WDR72: variants seen among roughly 807,000 people sequenced by gnomAD.
The protein encoded by WDR72 is WD repeat-containing protein 72.
Under a neutral mutation model 124.2 loss-of-function variants are expected in WDR72, and 120 were observed. The ratio of observed to expected loss-of-function variants is 0.97; its 90% confidence interval spans 0.83 to 1.12. The LOEUF (loss-of-function observed/expected upper bound fraction) is 1.12. Ranked by LOEUF, WDR72 falls within the 50% of genes most tolerant of loss-of-function variation. The pLI, the probability that WDR72 is intolerant of heterozygous loss-of-function variation, is 0.00. For missense variants in WDR72, 1,387 were observed against 1,278.8 expected, an observed-to-expected ratio of 1.08 and a Z score of -1.29; for synonymous variants, 452 against 441.7, an observed-to-expected ratio of 1.02 and a Z score of -0.29.
intron 14 of WDR72, among the ~76,000 whole-genome samples, chr15:53,642,010 G>C (rs1166062262): frequency 6.6e-6 from 1 of 151,684 alleles, no homozygotes; most frequent in Non-Finnish European, 1.5e-5. Flanking sequence ...AGAAATTGTA[G>C]ATTACTGTAA....
chr15:53,549,181 T>A (rs545296005), intron 18 of WDR72, among the ~76,000 whole-genome samples: 9 of 152,318 alleles, frequency 5.9e-5, no homozygotes, highest in Non-Finnish European at 1.5e-5. Context: ...GAAACAACAA[T>A]AAAAGATAGG....
At chr15:53,610,701 TTAC>T (rs750141079) in intron 16 of WDR72, among the ~76,000 whole-genome samples, 5 of 152,202 alleles carry the variant, frequency 3.3e-5, no homozygotes, top group South Asian at 4.1e-4. Flanking sequence ...ATTATTGATA[TTAC>T]TTTTTCCTGA....
intron 1 of WDR72, among the ~76,000 whole-genome samples, chr15:53,753,889 T>G (rs1420016699): frequency 3.9e-5 from 6 of 152,128 alleles, no homozygotes; most frequent in Non-Finnish European, 7.4e-5. Context: ...GCTAGGTAAA[T>G]CTAAATCCCC....
intron 13 of WDR72, among the ~76,000 whole-genome samples, chr15:53,667,934 T>C (rs1463421526): frequency 6.6e-6 from 1 of 152,214 alleles, no homozygotes; most frequent in Non-Finnish European, 1.5e-5. Flanking sequence ...TGTAATCCAT[T>C]TTCATTCATA....
At chr15:53,535,605 C>T (rs1351047223) in intron 18 of WDR72, among the ~76,000 whole-genome samples, 1 of 152,132 alleles carries the variant, frequency 6.6e-6, no homozygotes. Context: ...CAGTTATTTC[C>T]AGGGCATTTC....
At chr15:53,648,502 T>A (rs2015120062) in intron 14 of WDR72, among the ~76,000 whole-genome samples, 1 of 151,996 alleles carries the variant, frequency 6.6e-6, no homozygotes, top group Non-Finnish European at 1.5e-5. Context: ...GGCCAAGAGG[T>A]CAGGAAAGGT....
intron 18 of WDR72, among the ~76,000 whole-genome samples, chr15:53,528,332 G>A (rs1409491092): frequency 6.6e-6 from 1 of 151,986 alleles, no homozygotes; most frequent in African/African-American, 2.4e-5. Flanking sequence ...TAGACTTTAG[G>A]CTTACTTTGT....
chr15:53,704,827 A>C (rs546060837), intron 11 of WDR72, among the ~76,000 whole-genome samples, 161 bp downstream of exon 11: 1 of 151,236 alleles, frequency 6.6e-6, no homozygotes, highest in Admixed American at 6.6e-5. Flanking sequence ...AAAAAAAAAA[A>C]AAAAACCTAT....
intron 18 of WDR72, among the ~76,000 whole-genome samples, chr15:53,596,199 A>C (rs1315354927): frequency 6.6e-6 from 1 of 152,196 alleles, no homozygotes; most frequent in African/African-American, 2.4e-5. Flanking sequence ...GTAATATGTA[A>C]ATTTATAACA....
At chr15:53,700,035 A>G (rs1035083613) in intron 12 of WDR72, 90 bp from the exon 13 acceptor site, 4 of 1,503,878 alleles carry the variant, frequency 2.7e-6, no homozygotes, top group Non-Finnish European at 3.7e-6. Flanking sequence ...AACATAAAAA[A>G]GTTTTGTTAA....
At chr15:53,538,780 T>A (rs922876804) in intron 18 of WDR72, among the ~76,000 whole-genome samples, 1 of 152,214 alleles carries the variant, frequency 6.6e-6, no homozygotes, top group African/African-American at 2.4e-5. Flanking sequence ...ACACAGCAGA[T>A]CACAGAATGA....
rs1567040219 is a variant in WDR72, at chr15:53,706,373, T to TATATATATATATATATAC, written c.955-300_955-299insGTATATATATATATATAT. 7.4e-3 allele frequency among the ~76,000 whole-genome samples: 497 copies of TATATATATATATATATAC among 67,314 alleles called. 9 individuals carry two copies. The highest frequency in any genetic ancestry group is 0.028 in the African/African-American group (471 of 16,574). 44.2% of individuals were successfully genotyped at this position (67,314 alleles called of 152,430 possible). On this transcript the variant is annotated intron_variant, in intron 9 of 19. Coordinates refer to ENST00000360509, the MANE Select transcript of WDR72 (RefSeq NM_182758.4). The stretch of plus-strand genomic sequence containing the variant: ...GTGTATATATATATATATATATATA[T>TATATATATATATATATAC]ATATATATATATATATATATATGGC...
chr15:53,762,822 A>G (rs1002872040), upstream of WDR72: 2 of 152,254 alleles, frequency 1.3e-5, no homozygotes, highest in Non-Finnish European at 2.9e-5. Flanking sequence ...GGTGCCCAGG[A>G]CCCATAATAA....
intron 13 of WDR72, among the ~76,000 whole-genome samples, chr15:53,673,880 A>G (rs2016076284): frequency 6.6e-6 from 1 of 152,120 alleles, no homozygotes; most frequent in Non-Finnish European, 1.5e-5. Flanking sequence ...AATCCCAGCT[A>G]GTCAGGAGGC....
rs1285631946 is a variant in WDR72, at chr15:53,702,218, A to T, written c.1485T>A (p.Asp495Glu). The T allele has an allele frequency of 6.2e-7, 1 of 1,614,194 alleles. No homozygotes were observed. The highest frequency in any genetic ancestry group is 8.5e-7 in the Non-Finnish European group (1 of 1,180,032). ...GDLDSCVILW[D>E]IFTEEILHKF... ...TATGCAAAATTTCTTCAGTAAAGAT[A>T]TCCCACAAGATCACACATGAGTCCA... Residue 495 changes from aspartate to glutamate, a missense_variant, in exon 12 of 20, where the codon GAT (aspartate) becomes GAA (glutamate). Asp to Glu is a conservative substitution (Grantham distance 45). Transcript: ENST00000360509.
chr15:53,639,342 C>A (rs558740835), intron 14 of WDR72, among the ~76,000 whole-genome samples: 134 of 152,090 alleles, frequency 8.8e-4, no homozygotes, highest in South Asian at 2.3e-3. Flanking sequence ...CACTTAAATT[C>A]TTTTCTGTCC....
chr15:53,710,628 C>A (rs1002763278), intron 9 of WDR72, among the ~76,000 whole-genome samples: 6 of 152,118 alleles, frequency 3.9e-5, no homozygotes, highest in Non-Finnish European at 7.4e-5. Flanking sequence ...ATAATAAATA[C>A]ATATTGTTTC....
chr15:53,686,151 A>G (rs1595849247), intron 13 of WDR72, among the ~76,000 whole-genome samples: 2 of 146,482 alleles, frequency 1.4e-5, no homozygotes, highest in African/African-American at 5.1e-5. Context: ...AACTGCATCA[A>G]CTAATGAGCA....
chr15:53,600,715 C>T (rs16966280), intron 17 of WDR72, among the ~76,000 whole-genome samples: 21,223 of 151,998 alleles, frequency 0.14, 2,325 homozygotes, highest in African/African-American at 0.31. Context: ...ACATTTTTCC[C>T]AACACTCTGC....
Sources: gnomAD v4.1 joint callset for allele counts (sites outside exome capture counted in the v4.1 genomes callset) on GRCh38, gnomAD v4.1.1 for gene constraint, MANE v1.5 for transcripts, NCBI Gene and HGNC (gene_info 2026-07-23, HGNC 2026-07-21) for gene names.